The following COG6 variants were observed in gnomAD, a reference collection of about 807,000 sequenced individuals.
COG6 encodes the protein component of oligomeric golgi complex 6, also known as conserved oligomeric Golgi complex subunit 6.
A neutral mutation model predicts 88.8 loss-of-function variants in COG6; 74 were observed. The observed-to-expected ratio is 0.83, with a 90% CI of 0.69 to 1.01. The LOEUF is 1.01. Ranked by LOEUF, COG6 falls within the 50% of genes least tolerant of loss-of-function variation. The pLI, the probability that COG6 is intolerant of heterozygous loss-of-function variation, is 0.00. For synonymous variants in COG6, 286 were observed against 278.7 expected, an observed-to-expected ratio of 1.03 and a Z score of -0.26; for missense variants, 800 against 797.9, an observed-to-expected ratio of 1.00 and a Z score of -0.03.
intron 18 of COG6, among the ~76,000 whole-genome samples, chr13:39,764,852 T>C (rs760257056): frequency 1.3e-5 from 2 of 152,136 alleles, no homozygotes; most frequent in Non-Finnish European, 2.9e-5. Flanking sequence ...TGCAGTGCTC[T>C]GCATATGGTA....
chr13:39,657,529 G>GT (rs1874598147), intron 1 of COG6, among the ~76,000 whole-genome samples: 1 of 118,934 alleles, frequency 8.4e-6, no homozygotes, highest in Non-Finnish European at 1.7e-5. Flanking sequence ...TCACTTCATG[G>GT]GTTTTTTTTT....
intron 18 of COG6, among the ~76,000 whole-genome samples, chr13:39,781,440 G>C (rs924829894): frequency 6.6e-5 from 5 of 75,296 alleles, no homozygotes; most frequent in Non-Finnish European, 1.7e-4. Flanking sequence ...AAATGCGGAG[G>C]GTTTTTTTTT....
intron 18 of COG6, among the ~76,000 whole-genome samples, chr13:39,779,093 G>T (rs9548932): frequency 0.62 from 94,895 of 151,996 alleles, 30,326 homozygotes; most frequent in East Asian, 0.77. Flanking sequence ...CTGTCACACT[G>T]CGTGACCTTG....
At chr13:39,762,712 AT>A (rs1881054444) in intron 18 of COG6, among the ~76,000 whole-genome samples, 1 of 148,816 alleles carries the variant, frequency 6.7e-6, no homozygotes, top group Admixed American at 6.7e-5. Context: ...ATTTTCCGTG[AT>A]TTTTCTTTGA....
rs1018792121 is a variant in COG6 at position 39,788,245 on chromosome 13, TC to T, written c.1827-87del. ...CCTGGATGAATATTTATTTCAGCCC[TC>T]CCTGTGAATATGCAGGAATGTGAGG... On this transcript the variant is annotated intron_variant, in intron 18 of 18. Transcript: ENST00000416691. 52 of 1,280,780 alleles carry T rather than the reference TC, an allele frequency of 4.1e-5. No homozygotes were observed. The African/African-American group carries it at 5.8e-4, about 14-fold the overall frequency. 79.3% of individuals were successfully genotyped at this position (1,280,780 alleles called of 1,614,324 possible). A position where few individuals can be genotyped will look rare whatever the true frequency, so the allele number is the denominator to read the frequency against.
At chr13:39,752,754 CA>C, downstream of COG6, 1 of 848,768 alleles carries the variant, frequency 1.2e-6, no homozygotes, top group South Asian at 2.9e-5. Flanking sequence ...GAAAGACTCA[CA>C]GGAAAAATGT....
intron 4 of COG6, among the ~76,000 whole-genome samples, chr13:39,674,168 C>T (rs940054554): frequency 1.3e-5 from 2 of 151,646 alleles, no homozygotes; most frequent in African/African-American, 2.4e-5. Context: ...CCCATTAACT[C>T]GTCATTTACA....
intron 18 of COG6, chr13:39,788,324 T>C: frequency 1.3e-6 from 2 of 1,551,790 alleles, no homozygotes; most frequent in Non-Finnish European, 1.7e-6. Flanking sequence ...ATTGTTGGCA[T>C]TTGCTCACAG....
intron 18 of COG6, among the ~76,000 whole-genome samples, chr13:39,733,710 A>G (rs370604807): frequency 6.6e-6 from 1 of 152,128 alleles, no homozygotes; most frequent in African/African-American, 2.4e-5. Context: ...TTTGAGTAGA[A>G]TTAGCATTAG....
chr13:39,667,536 G>A (rs1193327838), intron 4 of COG6, among the ~76,000 whole-genome samples: 1 of 152,138 alleles, frequency 6.6e-6, no homozygotes, highest in Admixed American at 6.5e-5. Flanking sequence ...CACATTGGTG[G>A]TTAATTACTT....
chr13:39,705,683 A>G (rs1203700417), intron 13 of COG6, among the ~76,000 whole-genome samples: 1 of 152,170 alleles, frequency 6.6e-6, no homozygotes, highest in East Asian at 1.9e-4. Flanking sequence ...GATTCTTTAA[A>G]TAAATTGTCA....
At chr13:39,677,402 A>T (rs111747320) in intron 4 of COG6, 66 bp from the exon 5 acceptor site, 1 of 878,232 alleles carries the variant, frequency 1.1e-6, no homozygotes, top group African/African-American at 1.7e-5. Flanking sequence ...CTGAGATAGA[A>T]TTTGTTTTAA....
At chr13:39,694,591 T>C (rs750368334) in intron 11 of COG6, 43 bp from the exon 12 acceptor site, 23 of 1,221,134 alleles carry the variant, frequency 1.9e-5, no homozygotes, top group Non-Finnish European at 2.5e-5. Flanking sequence ...AAAAAAGTTA[T>C]ACTTTTAAGA....
Position 39,694,621 on chromosome 13 carries a change from C to G in COG6, c.1075-13C>G. Reference sequence around the variant, plus strand: ...TTAAGAAATGTTTACTTTCCTCTCACATATTTTAATAGGTTCGAATTGAGC... The same window carrying G: ...TTAAGAAATGTTTACTTTCCTCTCAGATATTTTAATAGGTTCGAATTGAGC... On this transcript the variant is annotated splice_polypyrimidine_tract_variant and intron_variant, in intron 11 of 18. Coordinates refer to ENST00000455146, the MANE Select transcript of COG6 (RefSeq NM_020751.3). 1 of 1,506,334 alleles carries G rather than the reference C, an allele frequency of 6.6e-7. No individual in the cohort carries two copies. Among genetic ancestry groups the G allele is most frequent in the Non-Finnish European group, 9.2e-7 (1 of 1,084,768 alleles). The allele number at this position is 1,506,334 out of a possible 1,614,324, so 93.3% of individuals were successfully genotyped here.
At chr13:39,678,723 C>G (rs9594362) in intron 5 of COG6, among the ~76,000 whole-genome samples, 32,251 of 151,840 alleles carry the variant, frequency 0.21, 3,545 homozygotes, top group East Asian at 0.28. Context: ...CACTGAGTGT[C>G]TCTGAGTAGG....
chr13:39,704,930 G>A (rs1360359957), intron 13 of COG6, among the ~76,000 whole-genome samples: 1 of 152,032 alleles, frequency 6.6e-6, no homozygotes, highest in Non-Finnish European at 1.5e-5. Flanking sequence ...TTGCGACCGT[G>A]TTATGATTCT....
At chr13:39,734,760 C>G (rs535692886) in intron 18 of COG6, among the ~76,000 whole-genome samples, 66 of 152,204 alleles carry the variant, frequency 4.3e-4, no homozygotes, top group African/African-American at 1.6e-3. Flanking sequence ...ATAATGCTTG[C>G]TTTGTATATC....
intron 4 of COG6, among the ~76,000 whole-genome samples, chr13:39,674,178 A>G (rs1002439767): frequency 3.3e-5 from 5 of 151,844 alleles, no homozygotes; most frequent in Admixed American, 1.3e-4. Flanking sequence ...CGTCATTTAC[A>G]TTAGGTATAT....
In COG6 at chr13:39,677,524, T is replaced by C; in HGVS notation, c.485T>C (p.Leu162Pro). ...GATGCCTTCTTATCCAAGTTCCAAC[T>C]GACTTCTGATGAAATGAGTCTTCTC... ...VADAFLSKFQ[L>P]TSDEMSLLRG... The change falls in exon 5 of 19, where the codon CTG (leucine) becomes CCG (proline). Residue 162 changes from leucine (L) to proline (P), a missense_variant. By Grantham distance (98) the Leu-to-Pro change is moderately conservative. Transcript: ENST00000455146. 2 of 1,613,538 alleles carry C rather than the reference T, an allele frequency of 1.2e-6. No homozygotes were observed. The highest frequency in any genetic ancestry group is 1.7e-6 in the Non-Finnish European group (2 of 1,179,618).
Sources: allele counts gnomAD v4.1 joint callset (sites outside exome capture counted in the v4.1 genomes callset), GRCh38; gene constraint gnomAD v4.1.1; transcripts MANE v1.5; gene names NCBI Gene and HGNC (gene_info 2026-07-23, HGNC 2026-07-21).